Variants in AKAP8L observed in about 807,000 individuals in gnomAD.
AKAP8L encodes the protein A-kinase anchoring protein 8 like.
Under a neutral mutation model 77.5 loss-of-function variants are expected in AKAP8L, and 34 were observed. The observed-to-expected ratio is 0.44, with a 90% CI of 0.33 to 0.58. AKAP8L has a LOEUF of 0.58. Ranked by LOEUF, AKAP8L falls within the 20% of genes least tolerant of loss-of-function variation. The probability of loss-of-function intolerance (pLI) is 0.02; values close to 1 mark genes in which losing one functional copy is unlikely to be tolerated. For missense variants in AKAP8L, 806 were observed against 887.6 expected (o/e 0.91, Z 1.17); for synonymous variants, 342 against 340.7 (o/e 1.00, Z -0.04).
intron 2 of AKAP8L, among the ~76,000 whole-genome samples, chr19:15,407,172 T>C (rs1318741651): frequency 4.6e-5 from 7 of 152,090 alleles, no homozygotes; most frequent in Non-Finnish European, 2.9e-5. Context: ...GGGAGGGCTA[T>C]CTGTGCCCAG....
At chr19:15,412,870 C>G (rs973378103) in intron 1 of AKAP8L, among the ~76,000 whole-genome samples, 1 of 152,216 alleles carries the variant, frequency 6.6e-6, no homozygotes, top group African/African-American at 2.4e-5. Flanking sequence ...ATAATTTTCT[C>G]TCAGCACTGA....
chr19:15,416,942 T>C (rs1304131478), intron 1 of AKAP8L, among the ~76,000 whole-genome samples: 2 of 152,254 alleles, frequency 1.3e-5, no homozygotes, highest in Non-Finnish European at 2.9e-5. Context: ...AAATGTGAAT[T>C]AAAATGCCTT....
chr19:15,400,445 G>A, intron 7 of AKAP8L, 87 bp from the exon 8 acceptor site: 1 of 1,318,356 alleles, frequency 7.6e-7, no homozygotes, highest in Non-Finnish European at 1.1e-6. Flanking sequence ...ACGGTATATA[G>A]TAAAACAGCT....
chr19:15,380,734 C>A, intron 12 of AKAP8L, 122 bp from the exon 13 acceptor site: 1 of 771,940 alleles, frequency 1.3e-6, no homozygotes, highest in South Asian at 1.6e-5. Flanking sequence ...CCAGCCCCAC[C>A]AACGGAGGGC....
At chr19:15,395,711 G>A (rs1036041372) in intron 12 of AKAP8L, among the ~76,000 whole-genome samples, 14 of 150,594 alleles carry the variant, frequency 9.3e-5, no homozygotes, top group Middle Eastern at 6.8e-3. Flanking sequence ...TAGGCCGGGC[G>A]CGGTGGCTCA....
intron 12 of AKAP8L, among the ~76,000 whole-genome samples, chr19:15,388,835 G>C (rs1035438800): frequency 6.6e-6 from 1 of 151,690 alleles, no homozygotes; most frequent in African/African-American, 2.4e-5. Flanking sequence ...AGAATGGCAT[G>C]AACCTGGGAG....
intron 12 of AKAP8L, among the ~76,000 whole-genome samples, chr19:15,393,430 T>C (rs1011536454): frequency 6.6e-6 from 1 of 152,064 alleles, no homozygotes; most frequent in Non-Finnish European, 1.5e-5. Flanking sequence ...TCATATCAAA[T>C]ATGGGACTTT....
chr19:15,391,579 T>C (rs562281818), intron 12 of AKAP8L, among the ~76,000 whole-genome samples: 1 of 51,476 alleles, frequency 1.9e-5, no homozygotes, highest in South Asian at 5.6e-4. Flanking sequence ...TCGCTGTGTC[T>C]CCCAGGCACA....
chr19:15,395,811 C>T (rs948412539), intron 12 of AKAP8L, among the ~76,000 whole-genome samples: 3 of 141,352 alleles, frequency 2.1e-5, no homozygotes, highest in Admixed American at 7.0e-5. Context: ...GGTGAAACCC[C>T]GTCTCTACTA....
At chr19:15,418,502 C>G (rs1319970958) in intron 1 of AKAP8L, among the ~76,000 whole-genome samples, 1 of 150,990 alleles carries the variant, frequency 6.6e-6, no homozygotes, top group African/African-American at 2.4e-5. Flanking sequence ...AGAGAAACTG[C>G]GCGGGGGAGG....
chr19:15,390,059 C>CCTATATATTCAGATATA (rs1967628528), intron 12 of AKAP8L, among the ~76,000 whole-genome samples: 1 of 151,266 alleles, frequency 6.6e-6, no homozygotes, highest in Non-Finnish European at 1.5e-5. Context: ...AAAAAAAAAC[C>CCTATATATTCAGATATA]CCAGACTATC....
At position 15,403,452 on chromosome 19, in the gene AKAP8L, C is replaced by A. The variant is rs376257201; in HGVS notation, c.362+23G>T. The A allele has an allele frequency of 1.2e-5, 20 of 1,612,762 alleles. No individual in the cohort carries two copies. The highest frequency in any genetic ancestry group is 9.3e-5 in the African/African-American group (7 of 75,000). ...AGGAGCCGCCCCTGCAGAGTCTCAA[C>A]CCCTAGGCAGGTGTCCACTCACCTT... On this transcript the variant is annotated intron_variant, in intron 4 of 13. Coordinates refer to ENST00000397410, the MANE Select transcript of AKAP8L (RefSeq NM_014371.4). This position sits in a 1 kb window ranked among gnomAD's most constrained non-coding sequence, Gnocchi z 4.3.
In AKAP8L at chr19:15,397,243, T is replaced by A; in HGVS notation, c.1443A>T (p.Ala481=). ...AMEHFVKKVE[A]AHCAACDLFI... is the part of the protein sequence containing the mutation. ...AGAGGTCGCAGGCTGCACAATGGGC[T>A]GCCTCCACCTTCTTCACAAAATGCT... The change falls in exon 12 of 14, where the codon GCA becomes GCT. Residue 481 remains alanine, a synonymous_variant. Transcript: ENST00000397410. This position sits in a 1 kb window ranked among gnomAD's most constrained non-coding sequence, Gnocchi z 4.7. 6.2e-7 allele frequency: 1 copy of A among 1,614,032 alleles called. No homozygotes were observed. Among genetic ancestry groups the A allele is most frequent in the East Asian group, 2.2e-5 (1 of 44,884 alleles).
At chr19:15,409,878 C>T (rs1025423557) in intron 2 of AKAP8L, among the ~76,000 whole-genome samples, 1 of 152,206 alleles carries the variant, frequency 6.6e-6, no homozygotes, top group Non-Finnish European at 1.5e-5. Flanking sequence ...CAGCCTCTCT[C>T]CCACAGCAAG....
At chr19:15,394,789 T>A (rs1181829982) in intron 12 of AKAP8L, among the ~76,000 whole-genome samples, 1 of 152,200 alleles carries the variant, frequency 6.6e-6, no homozygotes, top group Non-Finnish European at 1.5e-5. Context: ...TTACCAAAGA[T>A]AACAATAATT....
At chr19:15,389,538 C>T (rs768033497) in intron 12 of AKAP8L, among the ~76,000 whole-genome samples, 15 of 151,888 alleles carry the variant, frequency 9.9e-5, no homozygotes, top group Non-Finnish European at 1.5e-4. Flanking sequence ...TTTGGGAGGC[C>T]GAGGCGGGCA....
Position 15,401,121 on chromosome 19 carries a change from T to C in AKAP8L, c.816+29A>G. Reference sequence around the variant, plus strand: ...GCTCCGCCCCAGTGGGAACTAAGCTTCCCAGAGGGGAAGGCTGCCTCCACT... The same window carrying C: ...GCTCCGCCCCAGTGGGAACTAAGCTCCCCAGAGGGGAAGGCTGCCTCCACT... On this transcript the variant is annotated intron_variant, in intron 5 of 13. Coordinates refer to ENST00000397410, the MANE Select transcript of AKAP8L (RefSeq NM_014371.4). This position sits in a 1 kb window ranked among gnomAD's most constrained non-coding sequence, Gnocchi z 6.2. 1 of 1,606,104 alleles carries C rather than the reference T, an allele frequency of 6.2e-7. No individual in the cohort carries two copies. The highest frequency in any genetic ancestry group is 1.1e-5 in the South Asian group (1 of 91,062).
Position 15,399,464 on chromosome 19 carries a change from G to A in AKAP8L, c.1049-54C>T, listed in dbSNP as rs577551947. The A allele has an allele frequency of 1.5e-5, 21 of 1,358,342 alleles. No individual in the cohort carries two copies. In the African/African-American group the frequency reaches 2.1e-4, roughly 14 times the overall value. 84.1% of individuals were successfully genotyped at this position (1,358,342 alleles called of 1,614,324 possible). ...ATTTGGCTCTGCCAGGACAGGGCAG[G>A]CCCTGCGGCCTCTGGCTGAATCACC... is the stretch of plus-strand genomic sequence containing the variant. On this transcript the variant is annotated intron_variant, in intron 8 of 13. Coordinates refer to ENST00000397410, the MANE Select transcript of AKAP8L (RefSeq NM_014371.4). This position sits in a 1 kb window ranked among gnomAD's most constrained non-coding sequence, Gnocchi z 6.1.
intron 12 of AKAP8L, among the ~76,000 whole-genome samples, chr19:15,389,059 A>AG (rs947634411): frequency 2.8e-5 from 4 of 145,022 alleles, no homozygotes; most frequent in African/African-American, 1.0e-4. Context: ...CTAAAAAAAA[A>AG]AAAAAATACA....
Sources: gnomAD v4.1 joint callset for allele counts (sites outside exome capture counted in the v4.1 genomes callset) on GRCh38, gnomAD v4.1.1 for gene constraint, Gnocchi (gnomAD v3.1) non-coding constraint, MANE v1.5 for transcripts, NCBI Gene and HGNC (gene_info 2026-07-23, HGNC 2026-07-21) for gene names.